FRMPD4: variants seen among roughly 807,000 people sequenced by gnomAD.
The protein encoded by FRMPD4 is FERM and PDZ domain containing 4.
A neutral mutation model predicts 94.1 loss-of-function variants in FRMPD4; 22 were observed. That is an observed-to-expected ratio of 0.23 (90% CI 0.17 to 0.33). The LOEUF is 0.33. Ranked by LOEUF, FRMPD4 falls within the 10% of genes least tolerant of loss-of-function variation. The pLI is 1.00. For synonymous variants in FRMPD4, 631 were observed against 548.6 expected, an observed-to-expected ratio of 1.15 and a Z score of -2.10; for missense variants, 1,111 against 1,339.9, an observed-to-expected ratio of 0.83 and a Z score of 2.67.
At chrX:12,289,349 T>A (rs143005598) in intron 1 of FRMPD4, among the ~76,000 whole-genome samples, 1 of 112,311 alleles carries the variant, frequency 8.9e-6, no homozygotes, top group African/African-American at 3.2e-5. Context: ...TCTCTAGACC[T>A]GTGTTGTCCA....
chrX:12,282,596 AT>A (rs201473455), intron 1 of FRMPD4, among the ~76,000 whole-genome samples: 2,387 of 111,890 alleles, frequency 0.021, 29 homozygotes, highest in Admixed American at 0.057. Context: ...TATTATTTGA[AT>A]GCTTAGGGGC....
intron 1 of FRMPD4, among the ~76,000 whole-genome samples, chrX:12,153,632 G>A (rs1189990489): frequency 8.9e-6 from 1 of 112,118 alleles, no homozygotes; most frequent in Non-Finnish European, 1.9e-5. Context: ...GCTATTATAG[G>A]TATATGTGCT....
At chrX:12,209,315 A>T (rs1028049744) in intron 1 of FRMPD4, among the ~76,000 whole-genome samples, 50 of 112,299 alleles carry the variant, frequency 4.5e-4, no homozygotes, top group African/African-American at 1.6e-3. Context: ...GATTAACACT[A>T]ATTTGTTTGC....
intron 1 of FRMPD4, among the ~76,000 whole-genome samples, chrX:12,421,358 T>A (rs1217643901): frequency 8.9e-6 from 1 of 112,111 alleles, no homozygotes; most frequent in Non-Finnish European, 1.9e-5. Flanking sequence ...ACAACACATA[T>A]GTTCTAATCA....
Position 12,387,664 on chromosome X carries a change from G to A in FRMPD4, c.42-111016G>A, listed in dbSNP as rs147756922. On this transcript the variant is annotated intron_variant, in intron 1 of 16. Coordinates refer to ENST00000675598, the MANE Select transcript of FRMPD4 (RefSeq NM_001368397.1). ...TGTTAATAATGCAACTTCTTAAATT[G>A]ATATATGGGTATCATGTCAGGGACT... Among the ~76,000 whole-genome samples, 9 of 110,115 alleles carry A rather than the reference G, an allele frequency of 8.2e-5. No homozygotes were observed. The East Asian group carries it at 1.7e-3, about 21-fold the overall frequency.
chrX:11,928,782 A>G (rs1218813434), intron 3 of FRMPD4, among the ~76,000 whole-genome samples: 1 of 112,483 alleles, frequency 8.9e-6, no homozygotes. Context: ...TGGAATGTAA[A>G]TTGTTCTATT....
intron 2 of FRMPD4, among the ~76,000 whole-genome samples, chrX:12,553,169 T>TAAGAAAGAAAGA (rs34630273): frequency 1.0e-3 from 101 of 99,830 alleles, no homozygotes; most frequent in African/African-American, 3.2e-3. Flanking sequence ...GTAAGTAAAG[T>TAAGAAAGAAAGA]AAGAAAGAAA....
chrX:12,302,009 C>T (rs1200216479), intron 1 of FRMPD4, among the ~76,000 whole-genome samples: 3 of 112,080 alleles, frequency 2.7e-5, no homozygotes, highest in African/African-American at 9.7e-5. Context: ...GCTCCCTACC[C>T]TTATGGAAGA....
chrX:12,090,826 A>T (rs1190023041), intron 3 of FRMPD4, among the ~76,000 whole-genome samples: 1 of 112,593 alleles, frequency 8.9e-6, no homozygotes, highest in African/African-American at 3.2e-5. Flanking sequence ...TATTTTTCAA[A>T]GGCATTTTAT....
chrX:12,506,329 G>A (rs113531448), intron 2 of FRMPD4, among the ~76,000 whole-genome samples: 3,835 of 110,578 alleles, frequency 0.035, 146 homozygotes, highest in African/African-American at 0.12. Flanking sequence ...TCTCTCTGTC[G>A]CCAGGCTGGA....
chrX:12,372,750 A>T (rs749158466), intron 1 of FRMPD4, among the ~76,000 whole-genome samples: 1 of 112,519 alleles, frequency 8.9e-6, no homozygotes, highest in African/African-American at 3.2e-5. Context: ...TAGGAAGATG[A>T]CATGTCTTTT....
Position 12,718,576 on chromosome X carries a change from C to G in FRMPD4, c.3750C>G (p.Asp1250Glu). ...CCCTGGGGAAGCACTTGATTCCTGA[C>G]GCTTCTGGGAAAGGCGTGAATTACA... ...CPSLGKHLIP[D>E]ASGKGVNYIP... is the part of the protein sequence containing the mutation. The change falls in exon 16 of 17, where the codon GAC becomes GAG. Residue 1250 changes from aspartate (D) to glutamate (E), a missense_variant. Physicochemically the swap from Asp to Glu is conservative, Grantham distance 45. Transcript: ENST00000675598. 2.5e-6 allele frequency: 3 copies of G among 1,209,198 alleles called. No homozygotes were observed. In the South Asian group the frequency reaches 5.3e-5, roughly 21 times the overall value.
At chrX:12,620,066 G>T (rs1164810806) in intron 4 of FRMPD4, among the ~76,000 whole-genome samples, 1 of 112,278 alleles carries the variant, frequency 8.9e-6, no homozygotes, top group Non-Finnish European at 1.9e-5. Flanking sequence ...TGCCCTAGAG[G>T]CAGACTTGCC....
At chrX:12,659,599 C>G (rs992721344) in intron 4 of FRMPD4, among the ~76,000 whole-genome samples, 1 of 112,657 alleles carries the variant, frequency 8.9e-6, no homozygotes, top group African/African-American at 3.2e-5. Flanking sequence ...CAAATATCCC[C>G]TATGGGGTAA....
intron 1 of FRMPD4, among the ~76,000 whole-genome samples, chrX:12,261,029 T>C (rs112208791): frequency 0.035 from 3,877 of 111,511 alleles, 159 homozygotes; most frequent in African/African-American, 0.12. Flanking sequence ...TTCTGTGTCT[T>C]CTCCCAAGAG....
intron 3 of FRMPD4, among the ~76,000 whole-genome samples, chrX:11,922,984 GA>G (rs1164743125): frequency 8.9e-6 from 1 of 112,571 alleles, no homozygotes; most frequent in African/African-American, 3.2e-5. Flanking sequence ...GTGCTCTGGG[GA>G]CCCACACCAT....
intron 2 of FRMPD4, among the ~76,000 whole-genome samples, chrX:12,539,714 A>G (rs1213093857): frequency 3.7e-5 from 4 of 109,412 alleles, no homozygotes; most frequent in Non-Finnish European, 7.6e-5. Context: ...GCTCACCGCA[A>G]CCTCCGCCTC....
intron 1 of FRMPD4, among the ~76,000 whole-genome samples, chrX:12,171,446 T>C (rs1318529148): frequency 3.6e-5 from 4 of 112,218 alleles, no homozygotes; most frequent in African/African-American, 9.7e-5. Context: ...GGAGGCCTTT[T>C]TTAAAGAGTT....
At chrX:11,886,853 G>A (rs1490742702) in intron 3 of FRMPD4, among the ~76,000 whole-genome samples, 1 of 109,449 alleles carries the variant, frequency 9.1e-6, no homozygotes, top group African/African-American at 3.3e-5. Flanking sequence ...TGTACTAATT[G>A]TTCCCTTTCT....
Sources: allele counts gnomAD v4.1 joint callset (sites outside exome capture counted in the v4.1 genomes callset), GRCh38; gene constraint gnomAD v4.1.1; transcripts MANE v1.5; gene names NCBI Gene and HGNC (gene_info 2026-07-23, HGNC 2026-07-21).